Variants in DTNBP1 observed in about 807,000 individuals in gnomAD.
The protein encoded by DTNBP1 is dysbindin.
DTNBP1 carries 35 observed loss-of-function variants against 42.8 expected under a neutral mutation model. The ratio of observed to expected loss-of-function variants is 0.82; its 90% CI spans 0.63 to 1.09. The LOEUF is 1.09. Ranked by LOEUF, DTNBP1 falls within the 50% of genes least tolerant of loss-of-function variation. The pLI, the probability that DTNBP1 is intolerant of heterozygous loss-of-function variation, is 0.00. For missense variants in DTNBP1, 457 were observed against 424.2 expected (o/e 1.08, Z -0.68); for synonymous variants, 171 against 162.2 (o/e 1.05, Z -0.41).
chr6:15,611,412 AAGG>A (rs934291198), intron 6 of DTNBP1, among the ~76,000 whole-genome samples: 1 of 152,202 alleles, frequency 6.6e-6, no homozygotes, highest in African/African-American at 2.4e-5. Context: ...GGAGATGAAC[AAGG>A]AGAACAACGT....
intron 7 of DTNBP1, among the ~76,000 whole-genome samples, chr6:15,546,926 CTTTTTTT>C (rs10711026): frequency 3.4e-5 from 4 of 116,138 alleles, no homozygotes; most frequent in South Asian, 2.9e-4. Context: ...TTCTTTCTTT[CTTTTTTT>C]TTTTTTTTTT....
rs150404137 is a variant in DTNBP1, at chr6:15,607,929, G to C, written c.488+7338C>G. On this transcript the variant is annotated intron_variant, in intron 6 of 9. Transcript: ENST00000344537. ...CTTTCTGCCCTGTTTTTCACAAGCA[G>C]CCATGTTCAATTCTTTCAGTTATTT... 1.9e-3 allele frequency among the ~76,000 whole-genome samples: 293 copies of C among 152,220 alleles called. 4 individuals carry two copies. In the Middle Eastern group the frequency reaches 0.024, roughly 12 times the overall value.
At chr6:15,612,836 T>A (rs1165432044) in intron 6 of DTNBP1, among the ~76,000 whole-genome samples, 1 of 152,240 alleles carries the variant, frequency 6.6e-6, no homozygotes, top group African/African-American at 2.4e-5. Context: ...TATAAACATA[T>A]TTCCATGCCT....
At chr6:15,523,971 G>A (rs1170158294) in intron 9 of DTNBP1, 5 of 1,287,434 alleles carry the variant, frequency 3.9e-6, no homozygotes, top group East Asian at 5.5e-5. Context: ...AATTTGAAAC[G>A]CACCAAGCCC....
At chr6:15,566,314 CA>C (rs34136394) in intron 7 of DTNBP1, among the ~76,000 whole-genome samples, 23,937 of 90,366 alleles carry the variant, frequency 0.26, 1,799 homozygotes, top group African/African-American at 0.36. Flanking sequence ...GACTCCGTCT[CA>C]AAAAAAAAAA....
chr6:15,529,291 C>T lies in DTNBP1; in HGVS notation c.667+3949G>A, dbSNP rs1016665030. ...CAGTGAGACTCCATCCTAAAACAAA[C>T]AAAAGTCCATGCCGGCATTGTTTTT... On this transcript the variant is annotated intron_variant, in intron 8 of 9. Coordinates refer to ENST00000344537, the MANE Select transcript of DTNBP1 (RefSeq NM_032122.5). Among the ~76,000 whole-genome samples the T allele has an allele frequency of 2.6e-5, 4 of 152,126 alleles. No individual in the cohort carries two copies. In the East Asian group the frequency reaches 7.7e-4, roughly 29 times the overall value.
intron 4 of DTNBP1, among the ~76,000 whole-genome samples, chr6:15,630,045 C>G (rs890246161): frequency 6.6e-6 from 1 of 152,072 alleles, no homozygotes; most frequent in African/African-American, 2.4e-5. Context: ...GATTCACCCC[C>G]AGGAAATTAA....
intron 4 of DTNBP1, among the ~76,000 whole-genome samples, chr6:15,628,930 A>G (rs1016485930): frequency 6.6e-6 from 1 of 152,228 alleles, no homozygotes; most frequent in Non-Finnish European, 1.5e-5. Flanking sequence ...TTCTCAGCCC[A>G]CGCTGGAGGG....
intron 1 of DTNBP1, among the ~76,000 whole-genome samples, chr6:15,660,179 AAT>A (rs1377542126): frequency 4.6e-5 from 7 of 152,174 alleles, no homozygotes; most frequent in South Asian, 2.1e-4. Flanking sequence ...GCATTTATGT[AAT>A]ATGTTTCTTT....
chr6:15,626,847 A>G (rs1206589335), intron 5 of DTNBP1, among the ~76,000 whole-genome samples: 1 of 152,150 alleles, frequency 6.6e-6, no homozygotes, highest in Non-Finnish European at 1.5e-5. Context: ...AGTCTCCAGA[A>G]TAGCTGCAAC....
chr6:15,556,638 G>A (rs1774540048), intron 7 of DTNBP1, among the ~76,000 whole-genome samples: 1 of 152,108 alleles, frequency 6.6e-6, no homozygotes, highest in Non-Finnish European at 1.5e-5. Flanking sequence ...TCCCTTTGTG[G>A]CTGACAAGCA....
intron 7 of DTNBP1, among the ~76,000 whole-genome samples, chr6:15,561,665 T>C (rs954747897): frequency 1.4e-4 from 21 of 152,218 alleles, no homozygotes; most frequent in African/African-American, 3.9e-4. Flanking sequence ...TCAGAGGTAT[T>C]TGAACCACAG....
At chr6:15,581,918 A>C (rs1254078248) in intron 7 of DTNBP1, among the ~76,000 whole-genome samples, 1 of 152,208 alleles carries the variant, frequency 6.6e-6, no homozygotes, top group African/African-American at 2.4e-5. Context: ...TCTTTCTTCT[A>C]ATCCTGCCCT....
At position 15,587,156 on chromosome 6, in the gene DTNBP1, T is replaced by C. The variant is rs1372094347; in HGVS notation, c.511+5903A>G. Among the ~76,000 whole-genome samples the C allele has an allele frequency of 2.0e-5, 3 of 152,194 alleles. No homozygotes were observed. The highest frequency in any genetic ancestry group is 2.1e-4 in the South Asian group (1 of 4,832). ...AGATACTGCAAATTTAACATGCTCA[T>C]GGTGAAATTCACTCAATAAGAATGA... On this transcript the variant is annotated intron_variant, in intron 7 of 9. Transcript: ENST00000344537. The surrounding 1 kb of genome is among the most constrained non-coding windows in gnomAD (Gnocchi z 4.1).
chr6:15,532,312 G>A (rs999124137), intron 8 of DTNBP1, among the ~76,000 whole-genome samples: 7 of 152,288 alleles, frequency 4.6e-5, no homozygotes, highest in East Asian at 3.9e-4. Flanking sequence ...GAAGGAGTTC[G>A]GTGTCTGGAC....
chr6:15,632,126 A>T (rs1759731462), intron 4 of DTNBP1, among the ~76,000 whole-genome samples: 1 of 151,950 alleles, frequency 6.6e-6, no homozygotes, highest in Non-Finnish European at 1.5e-5. Flanking sequence ...CTTTTCTCCT[A>T]GGTTATTTTC....
At chr6:15,591,570 A>G (rs1776299915) in intron 7 of DTNBP1, among the ~76,000 whole-genome samples, 1 of 152,250 alleles carries the variant, frequency 6.6e-6, no homozygotes, top group Non-Finnish European at 1.5e-5. Context: ...TTAATTGTAC[A>G]TAATTAGGAA....
intron 4 of DTNBP1, among the ~76,000 whole-genome samples, chr6:15,628,948 CAT>C (rs1436920855): frequency 6.6e-6 from 1 of 152,178 alleles, no homozygotes; most frequent in Non-Finnish European, 1.5e-5. Context: ...GGGATAAACA[CAT>C]AATCTCTCAC....
chr6:15,523,914 T>C (rs1387158405), intron 9 of DTNBP1: 1 of 1,287,320 alleles, frequency 7.8e-7, no homozygotes, highest in Admixed American at 2.3e-5. Flanking sequence ...GAGGTGCTGC[T>C]GGGACGACTG....
Sources: gnomAD v4.1 joint callset for allele counts (sites outside exome capture counted in the v4.1 genomes callset) on GRCh38, gnomAD v4.1.1 for gene constraint, Gnocchi (gnomAD v3.1) non-coding constraint, MANE v1.5 for transcripts, NCBI Gene and HGNC (gene_info 2026-07-23, HGNC 2026-07-21) for gene names.